Variants in CDHR5 observed in about 807,000 individuals in gnomAD.
CDHR5 encodes the protein cadherin related family member 5.
Under a neutral mutation model 69.5 loss-of-function variants are expected in CDHR5, and 82 were observed. The observed-to-expected ratio is 1.18, with a 90% CI of 0.99 to 1.42. The LOEUF is 1.42. Among genes scored for constraint, CDHR5 ranks in the 40% most tolerant of loss-of-function variants. CDHR5 has a pLI of 0.00. For synonymous variants in CDHR5, 601 were observed against 510.2 expected (o/e 1.18, Z -2.40); for missense variants, 1,293 against 1,168.9 (o/e 1.11, Z -1.55).
At position 621,229 on chromosome 11, in the gene CDHR5, C is replaced by T. The variant is rs776563475; in HGVS notation, c.640G>A (p.Glu214Lys). 6.3e-7 allele frequency: 1 copy of T among 1,596,634 alleles called. No homozygotes were observed. Among genetic ancestry groups the T allele is most frequent in the Non-Finnish European group, 8.5e-7 (1 of 1,169,926 alleles). The part of the protein sequence containing the change: ...LVRDTPGENV[E>K]PSHTATATLV... ...GTGGCGGTGGCAGTGTGGCTGGGTT[C>T]CACATTCTCCCCCGGAGTGTCCTGC... The change falls in exon 7 of 15, where the codon GAA (glutamate) becomes AAA (lysine). Residue 214 changes from glutamate (E) to lysine (K), a missense_variant. Transcript: ENST00000397542. The surrounding 1 kb of genome is among the most constrained non-coding windows in gnomAD (Gnocchi z 4.4).
At position 621,819 on chromosome 11, in the gene CDHR5, A is replaced by G. The variant is rs546482155; in HGVS notation, c.398T>C (p.Val133Ala). ...EFPFKTKEIR[V>A]EEDTKVNSTV... Reference sequence around the variant, plus strand: ...CGGCTTCGCTGGCCTCACCTCCTCCACCCTTATCTCCTTGGTCTTAAAGGG... The same window carrying G: ...CGGCTTCGCTGGCCTCACCTCCTCCGCCCTTATCTCCTTGGTCTTAAAGGG... Residue 133 changes from valine (V) to alanine (A), a missense_variant, in exon 4 of 15, where the codon GTG becomes GCG. By Grantham distance (64) the Val-to-Ala change is moderately conservative. Coordinates refer to ENST00000397542, the MANE Select transcript of CDHR5 (RefSeq NM_021924.5). This position sits in a 1 kb window ranked among gnomAD's most constrained non-coding sequence, Gnocchi z 4.4. 4.3e-5 allele frequency: 70 copies of G among 1,611,756 alleles called. No individual in the cohort carries two copies. In the South Asian group the frequency reaches 7.4e-4, roughly 17 times the overall value.
At position 617,967 on chromosome 11, in the gene CDHR5, C is replaced by T. The variant is rs2740379; in HGVS notation, c.2105G>A (p.Cys702Tyr). The T allele has an allele frequency of 6.2e-7, 1 of 1,611,686 alleles. No individual in the cohort carries two copies. Residue 702 changes from cysteine (C) to tyrosine (Y), a missense_variant, in exon 14 of 15, where the codon TGT becomes TAT. Coordinates refer to ENST00000397542, the MANE Select transcript of CDHR5 (RefSeq NM_021924.5). The part of the protein sequence containing the change: ...KHYGPRLKCC[C>Y]GKAPEPQPQG... The stretch of plus-strand genomic sequence containing the variant: ...CCTGGGCCTCACCGGAGCTTTGCCA[C>T]AGCAGCACTTGAGCCGGGGGCCATA...
rs376196196 is a variant in CDHR5 at position 619,141 on chromosome 11, G to T, written c.1418C>A (p.Pro473His). Residue 473 changes from proline to histidine, a missense_variant, in exon 13 of 15, where the codon CCC (proline) becomes CAC (histidine). Transcript: ENST00000397542. ...PSPEAGGTTG[P>H]WTSTTSEVPR... ...GACCTCGGAAGTGGTGCTGGTCCAG[G>T]GCCCAGTTGTTCCTCCAGCCTCTGG... The T allele has an allele frequency of 4.5e-5, 71 of 1,575,292 alleles. No individual in the cohort carries two copies. Among genetic ancestry groups the T allele is most frequent in the Non-Finnish European group, 5.4e-5 (63 of 1,162,792 alleles).
rs985010310 is a variant in CDHR5 at position 616,633 on chromosome 11, CG to C, written c.*717del. 6.5e-6 allele frequency: 1 copy of C among 152,674 alleles called. No homozygotes were observed. The allele number at this position is 152,674 out of a possible 1,614,324, so 9.5% of individuals were successfully genotyped here. ...TCCATTAGGGAAAGTGCTGACAAGC[CG>C]CAAGGGATCCCTTGATGGTTCTGGG... is the stretch of plus-strand genomic sequence containing the variant. On this transcript the variant is annotated 3_prime_UTR_variant, in exon 15 of 15. Transcript: ENST00000397542.
Position 617,833 on chromosome 11 carries a change from C to G in CDHR5, c.2119-63G>C. 5.4e-6 allele frequency: 8 copies of G among 1,475,350 alleles called. No individual in the cohort carries two copies. In the South Asian group the frequency reaches 1.1e-4, roughly 20 times the overall value. 91.4% of individuals were successfully genotyped at this position (1,475,350 alleles called of 1,614,324 possible). ...GTCTCTGCAGCCTTGGCCCTGCACA[C>G]CCTCATTCCACGCTGGACACCCCTC... On this transcript the variant is annotated intron_variant, in intron 14 of 14. Coordinates refer to ENST00000397542, the MANE Select transcript of CDHR5 (RefSeq NM_021924.5).
rs771437191 is a variant in CDHR5, at chr11:617,533, C to T, written c.2356G>A (p.Gly786Ser). The T allele has an allele frequency of 1.6e-5, 26 of 1,612,264 alleles. 1 individual carries two copies. The highest frequency in any genetic ancestry group is 5.0e-5 in the Admixed American group (3 of 59,982). ...CCAAACCAGACAGCCTTGTACCCGC[C>T]CTCCGGCCGCCGCTCCTTGGTCAGG... ...SILTKERRPE[G>S]GYKAVWFGED... Residue 786 changes from glycine (G) to serine (S), a missense_variant, in exon 15 of 15, where the codon GGC (glycine) becomes AGC (serine). Gly to Ser is a moderately conservative substitution (Grantham distance 56, BLOSUM62 0). Transcript: ENST00000397542.
rs752186161 is a variant in CDHR5 at position 620,335 on chromosome 11, G to A, written c.841C>T (p.Arg281Cys). 2.0e-5 allele frequency: 32 copies of A among 1,612,684 alleles called. No individual in the cohort carries two copies. Among genetic ancestry groups the A allele is most frequent in the Admixed American group, 1.2e-4 (7 of 59,826 alleles). The change falls in exon 8 of 15, where the codon CGC (arginine) becomes TGC (cysteine). Residue 281 changes from arginine (R) to cysteine (C), a missense_variant. Coordinates refer to ENST00000397542, the MANE Select transcript of CDHR5 (RefSeq NM_021924.5). ...PGPIYAEDGD[R>C]GINQPIIYSI... ...TAGATGATGGGCTGGTTGATGCCGCGGTCTCCGTCCTCAGCGTAGATGGGT... is the reference window on the plus strand; with the variant it reads ...TAGATGATGGGCTGGTTGATGCCGCAGTCTCCGTCCTCAGCGTAGATGGGT...
Position 618,109 on chromosome 11 carries a change from C to T in CDHR5, c.1963G>A (p.Gly655Ser), listed in dbSNP as rs1466522354. 6.2e-6 allele frequency: 10 copies of T among 1,606,886 alleles called. No individual in the cohort carries two copies. Among genetic ancestry groups the T allele is most frequent in the Non-Finnish European group, 7.6e-6 (9 of 1,176,682 alleles). ...AAGCGCTTGTCCTCCGAGGGGCCGC[C>T]ACCTGGCATCGCAGTGGAAAACGTC... ...PLSKSTPSSG[G>S]GPSEDKRFSV... Residue 655 changes from glycine (G) to serine (S), a missense_variant and splice_region_variant, in exon 14 of 15, where the codon GGC becomes AGC. Transcript: ENST00000397542.
At position 618,026 on chromosome 11, in the gene CDHR5, A is replaced by T. The variant is rs369449505; in HGVS notation, c.2046T>A (p.Ala682=). 7.4e-6 allele frequency: 12 copies of T among 1,612,076 alleles called. No individual in the cohort carries two copies. Among genetic ancestry groups the T allele is most frequent in the Non-Finnish European group, 1.0e-5 (12 of 1,179,700 alleles). ...GGACAAGGACGGCGAGGCCAAGGAG[A>T]GCCAGCAGCAGCAGCGCACCCAGCA... The part of the protein sequence containing the change: ...GGVLGALLLL[A]LLGLAVLVHK... Residue 682 remains alanine, a synonymous_variant, in exon 14 of 15, where the codon GCT becomes GCA. Transcript: ENST00000397542.
chr11:624,441 G>A lies in CDHR5; in HGVS notation c.261+116C>T, dbSNP rs761361882. On this transcript the variant is annotated intron_variant, in intron 2 of 14. Coordinates refer to ENST00000397542, the MANE Select transcript of CDHR5 (RefSeq NM_021924.5). This position sits in a 1 kb window ranked among gnomAD's most constrained non-coding sequence, Gnocchi z 5.3. ...TCTAGGGCAGGCACCACCAAGCATG[G>A]GTGTCAGTGGATGCCCGCAGGCATA... 1.6e-5 allele frequency: 17 copies of A among 1,066,018 alleles called. No individual in the cohort carries two copies. Among genetic ancestry groups the A allele is most frequent in the Non-Finnish European group, 2.5e-5 (17 of 689,356 alleles). The allele number at this position is 1,066,018 out of a possible 1,614,324, so 66.0% of individuals were successfully genotyped here. A position where few individuals can be genotyped will look rare whatever the true frequency, so the allele number is the denominator to read the frequency against.
intron 7 of CDHR5, 146 bp from the exon 8 acceptor site, chr11:620,532 A>T: frequency 1.7e-6 from 1 of 589,966 alleles, no homozygotes; most frequent in Non-Finnish European, 3.1e-6. Flanking sequence ...TGCCTAGGAC[A>T]GTCCCTTGTC....
intron 14 of CDHR5, 56 bp downstream of exon 14, chr11:617,898 C>A: frequency 1.3e-6 from 2 of 1,573,172 alleles, no homozygotes; most frequent in South Asian, 1.2e-5. Context: ...CTCTCCTGTC[C>A]CCCGTCCCCC....
At chr11:620,983 A>AACC in intron 7 of CDHR5, 97 bp downstream of exon 7, 3 of 537,000 alleles carry the variant, frequency 5.6e-6, no homozygotes, top group Non-Finnish European at 9.5e-6. Context: ...CCACCCCCTG[A>AACC]CCCCGACCCC....
At position 621,862 on chromosome 11, in the gene CDHR5, C is replaced by T. The variant is rs745371657; in HGVS notation, c.355G>A (p.Asp119Asn). ...TTAAAGGGGAATTCGGGGGCATTGT[C>T]ATTGACGTCCAGCACTGACACGAAC... is the stretch of plus-strand genomic sequence containing the variant. The part of the protein sequence containing the change: ...RVFVSVLDVN[D>N]NAPEFPFKTK... Residue 119 changes from aspartate to asparagine, a missense_variant, in exon 4 of 15, where the codon GAC becomes AAC. Transcript: ENST00000397542. This position sits in a 1 kb window ranked among gnomAD's most constrained non-coding sequence, Gnocchi z 4.4. 5.6e-6 allele frequency: 9 copies of T among 1,613,628 alleles called. No individual in the cohort carries two copies. Among genetic ancestry groups the T allele is most frequent in the Non-Finnish European group, 7.6e-6 (9 of 1,179,912 alleles).
chr11:621,184 G>A lies in CDHR5; in HGVS notation c.685C>T (p.Pro229Ser). 6.2e-7 allele frequency: 1 copy of A among 1,605,802 alleles called. No homozygotes were observed. Among genetic ancestry groups the A allele is most frequent in the Non-Finnish European group, 8.5e-7 (1 of 1,175,760 alleles). Reference protein sequence around the residue: ...ATATLVLNVVPADLRPPWFLP... With the variant: ...ATATLVLNVVSADLRPPWFLP... ...AACCACGGGGGCCGCAGGTCGGCGG[G>A]CACCACGTTCAGCACTAGTGTGGCG... is the stretch of plus-strand genomic sequence containing the variant. The change falls in exon 7 of 15, where the codon CCC becomes TCC. Residue 229 changes from proline to serine, a missense_variant. Physicochemically the swap from Pro to Ser is moderately conservative, Grantham distance 74. Transcript: ENST00000397542. The surrounding 1 kb of genome is among the most constrained non-coding windows in gnomAD (Gnocchi z 4.4).
rs143032816 is a variant in CDHR5 at position 618,626 on chromosome 11, G to A, written c.1933C>T (p.Pro645Ser). The change falls in exon 13 of 15, where the codon CCC (proline) becomes TCC (serine). Residue 645 changes from proline (P) to serine (S), a missense_variant. Physicochemically the swap from Pro to Ser is moderately conservative, Grantham distance 74. Coordinates refer to ENST00000397542, the MANE Select transcript of CDHR5 (RefSeq NM_021924.5). ...GAAGATGGGGTGCTCTTGCTGAGGGGCATCGGCTGAGAGGTTCCTGGCTCT... is the reference window on the plus strand; with the variant it reads ...GAAGATGGGGTGCTCTTGCTGAGGGACATCGGCTGAGAGGTTCCTGGCTCT... ...TPEPGTSQPM[P>S]LSKSTPSSGG... The A allele has an allele frequency of 1.7e-3, 2,728 of 1,613,888 alleles. 1 individual carries two copies. Among genetic ancestry groups the A allele is most frequent in the Non-Finnish European group, 2.2e-3 (2,580 of 1,179,914 alleles).
rs866601215 is a variant in CDHR5 at position 624,567 on chromosome 11, G to A, written c.251C>T (p.Pro84Leu). ...GCCTGCCGCCCACACCTCGTAATCA[G>A]GAGTCACGTTGAGAAACAGCTGGTT... ...QGNQLFLNVTPDYEEKSLLEA... is the reference protein window; with the variant it reads ...QGNQLFLNVTLDYEEKSLLEA... The change falls in exon 2 of 15, where the codon CCT (proline) becomes CTT (leucine). Residue 84 changes from proline to leucine, a missense_variant. By Grantham distance (98) the Pro-to-Leu change is moderately conservative (BLOSUM62 -3). Transcript: ENST00000397542. The surrounding 1 kb of genome is among the most constrained non-coding windows in gnomAD (Gnocchi z 5.3). 1.9e-6 allele frequency: 3 copies of A among 1,607,150 alleles called. No homozygotes were observed. Among genetic ancestry groups the A allele is most frequent in the Non-Finnish European group, 2.6e-6 (3 of 1,175,336 alleles).
intron 14 of CDHR5, 88 bp downstream of exon 14, chr11:617,863 TCCA>T: frequency 6.6e-7 from 1 of 1,509,800 alleles, no homozygotes; most frequent in Non-Finnish European, 8.9e-7. Flanking sequence ...CCCCTCCGTC[TCCA>T]CATCTGTCCC....
chr11:619,183 G>A lies in CDHR5; in HGVS notation c.1379-3C>T. On this transcript the variant is annotated splice_polypyrimidine_tract_variant and splice_region_variant and intron_variant, in intron 12 of 14. Transcript: ENST00000397542. Reference sequence around the variant, plus strand: ...AGCCTCTGGGGATGGGGGGACATCTGGGGGCCGGGAACAGTGCTTGGGCTT... The same window carrying A: ...AGCCTCTGGGGATGGGGGGACATCTAGGGGCCGGGAACAGTGCTTGGGCTT... 6.6e-7 allele frequency: 1 copy of A among 1,524,770 alleles called. No individual in the cohort carries two copies. Among genetic ancestry groups the A allele is most frequent in the Non-Finnish European group, 8.8e-7 (1 of 1,132,412 alleles). The allele number at this position is 1,524,770 out of a possible 1,614,324, so 94.5% of individuals were successfully genotyped here. A position where few individuals can be genotyped will look rare whatever the true frequency, so the allele number is the denominator to read the frequency against.
Sources: allele counts gnomAD v4.1 joint callset, GRCh38; gene constraint gnomAD v4.1.1; non-coding constraint Gnocchi (gnomAD v3.1); transcripts MANE v1.5; gene names NCBI Gene and HGNC (gene_info 2026-07-23, HGNC 2026-07-21).